Variants in ZDHHC8 observed in about 807,000 individuals in gnomAD.
ZDHHC8 encodes the protein palmitoyltransferase ZDHHC8.
In ZDHHC8, 24 loss-of-function variants were observed where a neutral mutation model predicts 61.2. The ratio of observed to expected loss-of-function variants is 0.39; its 90% CI spans 0.28 to 0.55. The LOEUF (loss-of-function observed/expected upper bound fraction) is 0.55, where lower values mean the gene tolerates loss of function less well. ZDHHC8 is among the 20% of genes least tolerant of loss of function. The pLI, the probability that ZDHHC8 is intolerant of heterozygous loss-of-function variation, is 0.60. For missense variants in ZDHHC8, 935 were observed against 1,102.1 expected, an observed-to-expected ratio of 0.85 and a Z score of 2.15; for synonymous variants, 523 against 492.5, an observed-to-expected ratio of 1.06 and a Z score of -0.82.
chr22:20,140,675 T>C lies in ZDHHC8; in HGVS notation c.719T>C (p.Val240Ala). ...NPFTRGCCGN[V>A]EHVLCSPLAP... ...TTCACCCGAGGCTGCTGTGGGAATG[T>C]GGAGCACGTGCTGTGTAGCCCCCTG... The change falls in exon 6 of 11, where the codon GTG (valine) becomes GCG (alanine). Residue 240 changes from valine (V) to alanine (A), a missense_variant. By Grantham distance (64) the Val-to-Ala change is moderately conservative. Coordinates refer to ENST00000334554, the MANE Select transcript of ZDHHC8 (RefSeq NM_013373.4). The C allele has an allele frequency of 6.2e-7, 1 of 1,612,030 alleles. No individual in the cohort carries two copies. Among genetic ancestry groups the C allele is most frequent in the African/African-American group, 1.3e-5 (1 of 75,072 alleles).
Position 20,140,752 on chromosome 22 carries a change from T to G in ZDHHC8, c.752+44T>G, listed in dbSNP as rs781399829. The G allele has an allele frequency of 1.9e-6, 3 of 1,597,826 alleles. No individual in the cohort carries two copies. The Admixed American group carries it at 5.1e-5, about 27-fold the overall frequency. On this transcript the variant is annotated intron_variant, in intron 6 of 10. Transcript: ENST00000334554. ...AGGGTGGAGGGGGGCCTCTGCTGGGTGTGGGGCGGGCAGCCTTAGACCCTC... is the reference window on the plus strand; with the variant it reads ...AGGGTGGAGGGGGGCCTCTGCTGGGGGTGGGGCGGGCAGCCTTAGACCCTC...
Position 20,131,864 on chromosome 22 carries a change from A to AGCCC in ZDHHC8, c.-74_-71dup, listed in dbSNP as rs1344074247. 6.2e-6 allele frequency: 2 copies of AGCCC among 321,874 alleles called. No homozygotes were observed. Among genetic ancestry groups the AGCCC allele is most frequent in the Non-Finnish European group, 4.4e-6 (1 of 226,292 alleles). 19.9% of individuals were successfully genotyped at this position (321,874 alleles called of 1,614,324 possible). A position where few individuals can be genotyped will look rare whatever the true frequency, so the allele number is the denominator to read the frequency against. ...CCGCCGCGGGTCCTGCGCCGCGTCC[A>AGCCC]GCCCGCCCGCCCGACCCCGGCCCGA... On this transcript the variant is annotated 5_prime_UTR_variant, in exon 1 of 11. Coordinates refer to ENST00000334554, the MANE Select transcript of ZDHHC8 (RefSeq NM_013373.4).
chr22:20,136,589 CTA>C (rs1689740086), intron 1 of ZDHHC8, among the ~76,000 whole-genome samples: 1 of 152,076 alleles, frequency 6.6e-6, no homozygotes, highest in African/African-American at 2.4e-5. Flanking sequence ...AGGCATGTGT[CTA>C]TGCATGCCTG....
In ZDHHC8 at chr22:20,142,922, G is replaced by A. The variant is rs1010135026; in HGVS notation, c.1292G>A (p.Arg431His). ...TCTGATGCCTTCTCGGGCGCTTTGCGCTCCCTGAGCCTCAAGGCCTCGAGC... is the reference window on the plus strand; with the variant it reads ...TCTGATGCCTTCTCGGGCGCTTTGCACTCCCTGAGCCTCAAGGCCTCGAGC... ...SASDAFSGAL[R>H]SLSLKASSRR... is the part of the protein sequence containing the mutation. Residue 431 changes from arginine (R) to histidine (H), a missense_variant, in exon 10 of 11, where the codon CGC becomes CAC. By Grantham distance (29) the Arg-to-His change is conservative. Transcript: ENST00000334554. The A allele has an allele frequency of 8.1e-6, 13 of 1,607,280 alleles. No homozygotes were observed. The highest frequency in any genetic ancestry group is 2.7e-5 in the African/African-American group (2 of 74,810).
chr22:20,137,659 G>A (rs2050433022), intron 1 of ZDHHC8, among the ~76,000 whole-genome samples: 1 of 152,270 alleles, frequency 6.6e-6, no homozygotes, highest in Non-Finnish European at 1.5e-5. Flanking sequence ...GGCTCGTGGA[G>A]AGCTCCACAG....
intron 1 of ZDHHC8, among the ~76,000 whole-genome samples, chr22:20,138,128 G>A (rs977183989): frequency 6.6e-6 from 1 of 152,258 alleles, no homozygotes; most frequent in Non-Finnish European, 1.5e-5. Context: ...GCGTGGCCAC[G>A]TGCGCTGGAG....
At chr22:20,139,970 GA>G in intron 4 of ZDHHC8, 78 bp downstream of exon 4, 2 of 1,596,380 alleles carry the variant, frequency 1.3e-6, no homozygotes, top group Non-Finnish European at 1.7e-6. Context: ...TTGAGCCTCA[GA>G]AGGCTTGGTT....
chr22:20,144,086 G>C (rs1255176364), intron 10 of ZDHHC8, among the ~76,000 whole-genome samples: 1 of 152,214 alleles, frequency 6.6e-6, no homozygotes, highest in Non-Finnish European at 1.5e-5. Flanking sequence ...GTGGCAGCCT[G>C]GGCCTCCTTT....
At chr22:20,142,314 C>A (rs1465896803) in intron 9 of ZDHHC8, among the ~76,000 whole-genome samples, 2 of 152,214 alleles carry the variant, frequency 1.3e-5, no homozygotes, top group African/African-American at 4.8e-5. Flanking sequence ...CCTGGGACTC[C>A]TGGGTCCAGT....
Position 20,143,179 on chromosome 22 carries a change from C to G in ZDHHC8, c.1549C>G (p.Pro517Ala), listed in dbSNP as rs2050488246. 2.5e-6 allele frequency: 4 copies of G among 1,610,192 alleles called. No homozygotes were observed. The highest frequency in any genetic ancestry group is 3.4e-6 in the Non-Finnish European group (4 of 1,179,598). The change falls in exon 10 of 11, where the codon CCG (proline) becomes GCG (alanine). Residue 517 changes from proline (P) to alanine (A), a missense_variant. By Grantham distance (27) the Pro-to-Ala change is conservative. Transcript: ENST00000334554. ...PYLHPGATGD[P>A]PRPLPRSFSP... ...CCTGCATCCTGGGGCAACGGGCGACCCGCCACGGCCCCTACCCCGCAGCTT... is the reference window on the plus strand; with the variant it reads ...CCTGCATCCTGGGGCAACGGGCGACGCGCCACGGCCCCTACCCCGCAGCTT...
In ZDHHC8 at chr22:20,143,578, C is replaced by T; in HGVS notation, c.1948C>T (p.Gln650Ter). 1 of 1,599,022 alleles carries T rather than the reference C, an allele frequency of 6.3e-7. No homozygotes were observed. The highest frequency in any genetic ancestry group is 8.5e-7 in the Non-Finnish European group (1 of 1,176,836). The change falls in exon 10 of 11, where the codon CAG becomes TAG. Residue 650 changes from glutamine to a stop codon, truncating the protein, a stop_gained. Coordinates refer to ENST00000334554, the MANE Select transcript of ZDHHC8 (RefSeq NM_013373.4). LOFTEE classifies it high-confidence loss of function. ...RTSSSSLQAD[Q>*]ASSNAPGPRP... ...GTCGTCCTCCTCCCTGCAGGCTGAT[C>T]AGGCCAGCAGCAACGCCCCGGGGCC...
chr22:20,139,405 G>C (rs1050753693), intron 2 of ZDHHC8, 73 bp from the exon 3 acceptor site: 1 of 1,603,218 alleles, frequency 6.2e-7, no homozygotes, highest in African/African-American at 1.3e-5. Context: ...TGGTGGGTGG[G>C]CTGGACTTGG....
rs540099809 is a variant in ZDHHC8 at position 20,141,426 on chromosome 22, G to A, written c.1021G>A (p.Ala341Thr). 13 of 1,612,990 alleles carry A rather than the reference G, an allele frequency of 8.1e-6. No homozygotes were observed. In the Middle Eastern group the frequency reaches 9.9e-4, roughly 122 times the overall value. Residue 341 changes from alanine to threonine, a missense_variant, in exon 9 of 11, where the codon GCC becomes ACC. Around this residue, in one of 3 missense-constraint regions of ZDHHC8, gnomAD observed 692 missense variants for 731.4 expected, o/e 0.95. Transcript: ENST00000334554. ...QTPRPGSAES[A>T]LSVQRTSPPT... Reference sequence around the variant, plus strand: ...ACAGTGGTCTGCATCCCCAGAGAGTGCCCTGTCGGTGCAGAGGACCAGCCC... The same window carrying A: ...ACAGTGGTCTGCATCCCCAGAGAGTACCCTGTCGGTGCAGAGGACCAGCCC...
rs2050460011 is a variant in ZDHHC8, at chr22:20,140,663, G to T, written c.707G>T (p.Cys236Phe). 2 of 1,611,858 alleles carry T rather than the reference G, an allele frequency of 1.2e-6. No homozygotes were observed. Among genetic ancestry groups the T allele is most frequent in the Non-Finnish European group, 1.7e-6 (2 of 1,179,612 alleles). Residue 236 changes from cysteine (C) to phenylalanine (F), a missense_variant, in exon 6 of 11, where the codon TGC becomes TTC. Cys to Phe is a radical substitution (Grantham distance 205, BLOSUM62 -2). Around this residue, in one of 3 missense-constraint regions of ZDHHC8, gnomAD observed 199 missense variants for 334.0 expected, o/e 0.60. Transcript: ENST00000334554. ...RGGVNPFTRG[C>F]CGNVEHVLCS... ...GGTGTGAACCCTTTCACCCGAGGCT[G>T]CTGTGGGAATGTGGAGCACGTGCTG... is the stretch of plus-strand genomic sequence containing the variant.
Position 20,145,418 on chromosome 22 carries a change from T to G in ZDHHC8, c.*18T>G, listed in dbSNP as rs2050512879. Reference sequence around the variant, plus strand: ...CGGTGTGAGGACTGACTGCCACACATCCGCCATGGTGCCACGGGGACCAGG... The same window carrying G: ...CGGTGTGAGGACTGACTGCCACACAGCCGCCATGGTGCCACGGGGACCAGG... On this transcript the variant is annotated 3_prime_UTR_variant, in exon 11 of 11. Coordinates refer to ENST00000334554, the MANE Select transcript of ZDHHC8 (RefSeq NM_013373.4). 4 of 1,480,528 alleles carry G rather than the reference T, an allele frequency of 2.7e-6. No homozygotes were observed. The highest frequency in any genetic ancestry group is 1.4e-5 in the African/African-American group (1 of 69,126). The allele number at this position is 1,480,528 out of a possible 1,614,324, so 91.7% of individuals were successfully genotyped here.
At chr22:20,135,536 G>GC (rs2050412624) in intron 1 of ZDHHC8, among the ~76,000 whole-genome samples, 1 of 152,222 alleles carries the variant, frequency 6.6e-6, no homozygotes, top group African/African-American at 2.4e-5. Context: ...ATCGTCCTGA[G>GC]CCCTCTCCTT....
intron 1 of ZDHHC8, among the ~76,000 whole-genome samples, chr22:20,137,669 G>A (rs2050433092): frequency 6.6e-6 from 1 of 152,284 alleles, no homozygotes; most frequent in Admixed American, 6.5e-5. Flanking sequence ...GAGCTCCACA[G>A]GCCCTGCCTC....
In ZDHHC8 at chr22:20,140,952, T is replaced by C. The variant is rs1452560625; in HGVS notation, c.834T>C (p.Ala278=). Residue 278 remains alanine, a synonymous_variant, in exon 7 of 11, where the codon GCT becomes GCC. Transcript: ENST00000334554. Reference sequence around the variant, plus strand: ...TTAGGCCTGAACTCCTGGACCGAGCTGCACCGCTCAAGGTCAAGCTTAGTG... The same window carrying C: ...TTAGGCCTGAACTCCTGGACCGAGCCGCACCGCTCAAGGTCAAGCTTAGTG... ...PFLRPELLDR[A]APLKVKLSDN... 2 of 1,610,324 alleles carry C rather than the reference T, an allele frequency of 1.2e-6. No individual in the cohort carries two copies. The highest frequency in any genetic ancestry group is 1.3e-5 in the African/African-American group (1 of 74,944).
At chr22:20,142,712 C>A (rs768454258) in intron 9 of ZDHHC8, 44 bp from the exon 10 acceptor site, 14 of 1,606,444 alleles carry the variant, frequency 8.7e-6, no homozygotes, top group Non-Finnish European at 1.1e-5. Context: ...CGGCTGCAGG[C>A]GGGGTGGCAG....
Sources: allele counts gnomAD v4.1 joint callset (sites outside exome capture counted in the v4.1 genomes callset), GRCh38; gene constraint gnomAD v4.1.1; regional missense constraint gnomAD v4.1.1; transcripts MANE v1.5; gene names NCBI Gene and HGNC (gene_info 2026-07-23, HGNC 2026-07-21).